Variants in TUSC3 observed in about 807,000 individuals in gnomAD.
TUSC3 encodes the protein dolichyl-diphosphooligosaccharide--protein glycosyltransferase subunit TUSC3.
TUSC3 carries 45 observed loss-of-function variants against 44.8 expected under a neutral mutation model. The observed-to-expected ratio is 1.00, with a 90% confidence interval of 0.79 to 1.29. TUSC3 has a LOEUF of 1.29. Ranked by LOEUF, TUSC3 falls within the 50% of genes most tolerant of loss-of-function variation. The pLI, the probability that TUSC3 is intolerant of heterozygous loss-of-function variation, is 0.00. For synonymous variants in TUSC3, 212 were observed against 152.9 expected (o/e 1.39, Z -2.85); for missense variants, 519 against 437.9 (o/e 1.19, Z -1.65).
At chr8:15,792,522 C>T in the TUSC3 span, among the ~76,000 whole-genome samples, 341 of 152,264 alleles carry the variant, frequency 2.2e-3, 2 homozygotes, top group Middle Eastern at 0.024. Context: ...AATTCATGAT[C>T]GGGGACCTCT....
chr8:15,601,661 G>A (rs1360973408), intron 1 of TUSC3, among the ~76,000 whole-genome samples: 3 of 151,402 alleles, frequency 2.0e-5, no homozygotes, highest in Non-Finnish European at 4.4e-5. Flanking sequence ...GTAGCAATAG[G>A]GCCATTGGTT....
At chr8:15,827,210 G>C in the TUSC3 span, among the ~76,000 whole-genome samples, 1 of 152,136 alleles carries the variant, frequency 6.6e-6, no homozygotes. Context: ...ATAAGCATTT[G>C]TAAAAAGGAG....
chr8:15,665,967 T>C (rs570207751), intron 5 of TUSC3, among the ~76,000 whole-genome samples: 24 of 151,494 alleles, frequency 1.6e-4, no homozygotes, highest in African/African-American at 5.8e-4. Flanking sequence ...ACACGGAGGA[T>C]GGTGGACAAT....
chr8:15,755,129 T>C (rs1390986622), intron 9 of TUSC3, among the ~76,000 whole-genome samples: 2 of 152,152 alleles, frequency 1.3e-5, no homozygotes, highest in Admixed American at 1.3e-4. Context: ...GATTGTCTTT[T>C]AAATTTAATA....
chr8:15,650,509 T>A (rs1806842105), intron 2 of TUSC3, among the ~76,000 whole-genome samples, 188 bp from the exon 3 acceptor site: 1 of 152,158 alleles, frequency 6.6e-6, no homozygotes, highest in South Asian at 2.1e-4. Context: ...AACATCAGAA[T>A]TTGAATTTTA....
chr8:15,686,631 TAAAAATC>T (rs140781229), intron 6 of TUSC3, among the ~76,000 whole-genome samples: 1 of 152,224 alleles, frequency 6.6e-6, no homozygotes, highest in East Asian at 1.9e-4. Context: ...TTAAAAAACT[TAAAAATC>T]ATATAGACTG....
At chr8:15,604,516 T>C (rs1351025213) in intron 1 of TUSC3, among the ~76,000 whole-genome samples, 1 of 151,792 alleles carries the variant, frequency 6.6e-6, no homozygotes, top group Non-Finnish European at 1.5e-5. Flanking sequence ...TATTTTCTTA[T>C]AATTATTGTA....
At chr8:15,632,605 TGTA>T (rs1805823061) in intron 2 of TUSC3, among the ~76,000 whole-genome samples, 2 of 152,194 alleles carry the variant, frequency 1.3e-5, no homozygotes, top group African/African-American at 2.4e-5. Context: ...ACCCAGCACT[TGTA>T]GTATTAATTT....
chr8:15,489,227 T>C (rs76431477), intron 2 of TUSC3, among the ~76,000 whole-genome samples: 2,842 of 152,266 alleles, frequency 0.019, 89 homozygotes, highest in African/African-American at 0.064. Flanking sequence ...CAACTTGAAG[T>C]AGGGGTTTCT....
chr8:15,772,473 CA>C, the TUSC3 span, among the ~76,000 whole-genome samples: 3 of 152,058 alleles, frequency 2.0e-5, no homozygotes, highest in African/African-American at 7.2e-5. Context: ...ATTTACTCAA[CA>C]AAAACAAAAT....
chr8:15,525,148 T>C (rs2129130082), intron 2 of TUSC3, among the ~76,000 whole-genome samples: 1 of 152,372 alleles, frequency 6.6e-6, no homozygotes, highest in Admixed American at 6.5e-5. Flanking sequence ...CAACTTTTCC[T>C]ATACTCCCTG....
At chr8:15,747,592 A>G (rs184707374) in intron 8 of TUSC3, among the ~76,000 whole-genome samples, 14 of 151,834 alleles carry the variant, frequency 9.2e-5, no homozygotes, top group African/African-American at 3.2e-4. Context: ...AAAGAAACAT[A>G]TTTTATTATG....
intron 1 of TUSC3, among the ~76,000 whole-genome samples, chr8:15,549,568 C>T (rs1251669236): frequency 6.6e-6 from 1 of 151,564 alleles, no homozygotes; most frequent in Non-Finnish European, 1.5e-5. Context: ...AGTCATTTAA[C>T]TTTTATTTTT....
chr8:15,658,660 A>AC (rs1554469876), intron 3 of TUSC3, among the ~76,000 whole-genome samples: 14 of 150,802 alleles, frequency 9.3e-5, no homozygotes, highest in South Asian at 2.1e-4. Context: ...ACACACACAC[A>AC]AATACAATAT....
chr8:15,427,079 G>GT (rs56268327), intron 1 of TUSC3, among the ~76,000 whole-genome samples: 3,994 of 143,206 alleles, frequency 0.028, 80 homozygotes, highest in South Asian at 0.084. Flanking sequence ...TTTGGTGTTT[G>GT]TTTTTTTTTT....
intron 6 of TUSC3, among the ~76,000 whole-genome samples, chr8:15,706,447 GC>G (rs1809619005): frequency 6.6e-6 from 1 of 151,948 alleles, no homozygotes; most frequent in Non-Finnish European, 1.5e-5. Context: ...TTTTAAGTAA[GC>G]CAATTAAGAA....
chr8:15,529,602 A>T (rs1463665971), intron 2 of TUSC3, among the ~76,000 whole-genome samples: 1 of 152,050 alleles, frequency 6.6e-6, no homozygotes, highest in Admixed American at 6.6e-5. Flanking sequence ...GAAAAATACT[A>T]ACATTACTTA....
At chr8:15,500,802 G>C (rs1248646509) in intron 2 of TUSC3, among the ~76,000 whole-genome samples, 1 of 152,128 alleles carries the variant, frequency 6.6e-6, no homozygotes, top group Non-Finnish European at 1.5e-5. Flanking sequence ...TTTATTTTCT[G>C]TTCATGAATA....
intron 6 of TUSC3, among the ~76,000 whole-genome samples, chr8:15,679,452 T>A (rs754579546): frequency 1.0e-3 from 159 of 152,258 alleles, no homozygotes; most frequent in Non-Finnish European, 1.6e-3. Flanking sequence ...AATGGGGTTA[T>A]TTTTTGCTTA....
Sources: allele counts gnomAD v4.1 joint callset (sites outside exome capture counted in the v4.1 genomes callset), GRCh38; gene constraint gnomAD v4.1.1; transcripts MANE v1.5; gene names NCBI Gene and HGNC (gene_info 2026-07-23, HGNC 2026-07-21).